Variants in SPEF2 observed in about 807,000 individuals in gnomAD.
SPEF2 encodes the protein sperm flagellar and cilia associated 2, also known as sperm flagella and cilia-associated protein 2.
A neutral mutation model predicts 224.6 loss-of-function variants in SPEF2; 187 were observed. The observed-to-expected ratio is 0.83, with a 90% confidence interval of 0.74 to 0.94. SPEF2 has a LOEUF of 0.94. Ranked by LOEUF, SPEF2 falls within the 40% of genes least tolerant of loss-of-function variation. SPEF2 has a pLI of 0.00. For missense variants in SPEF2, 2,170 were observed against 2,135.6 expected (o/e 1.02, Z -0.32); for synonymous variants, 715 against 707.3 (o/e 1.01, Z -0.17).
Position 35,728,571 on chromosome 5 carries a change from T to C in SPEF2, c.3063+748T>C, listed in dbSNP as rs6878407. Among the ~76,000 whole-genome samples, 1,129 of 152,300 alleles carry C rather than the reference T, an allele frequency of 7.4e-3. 10 individuals carry two copies. Among genetic ancestry groups the C allele is most frequent in the African/African-American group, 0.025 (1,056 of 41,562 alleles). ...GTGCCAGGCATTTGAGACCCAATTATGAAATGCAACAATTGTGGTGTTGCT... is the reference window on the plus strand; with the variant it reads ...GTGCCAGGCATTTGAGACCCAATTACGAAATGCAACAATTGTGGTGTTGCT... On this transcript the variant is annotated intron_variant, in intron 21 of 36. Coordinates refer to ENST00000356031, the MANE Select transcript of SPEF2 (RefSeq NM_024867.4).
At chr5:35,793,397 G>A in intron 32 of SPEF2, 56 bp downstream of exon 32, 1 of 1,542,734 alleles carries the variant, frequency 6.5e-7, no homozygotes, top group Non-Finnish European at 8.8e-7. Flanking sequence ...GACCTAAGAA[G>A]TGAATTACTC....
intron 7 of SPEF2, among the ~76,000 whole-genome samples, chr5:35,657,382 C>T (rs923679143): frequency 1.3e-5 from 2 of 151,786 alleles, no homozygotes; most frequent in Admixed American, 1.3e-4. Flanking sequence ...ATCAATTTGA[C>T]TTTTTAGGGG....
At chr5:35,671,058 G>T in intron 10 of SPEF2, 1 of 985,304 alleles carries the variant, frequency 1.0e-6, no homozygotes, top group African/African-American at 1.7e-5. Flanking sequence ...TGGATCAACA[G>T]CAATGGAATG....
At chr5:35,772,754 T>C (rs1187325699) in intron 27 of SPEF2, among the ~76,000 whole-genome samples, 1 of 152,198 alleles carries the variant, frequency 6.6e-6, no homozygotes, top group Non-Finnish European at 1.5e-5. Flanking sequence ...GAATCACTGT[T>C]GGGGTCTGAT....
At chr5:35,717,133 A>C (rs1251557716) in intron 20 of SPEF2, among the ~76,000 whole-genome samples, 4 of 152,240 alleles carry the variant, frequency 2.6e-5, no homozygotes, top group African/African-American at 9.6e-5. Flanking sequence ...AGTTTTCAAT[A>C]ATCAACTAAA....
intron 20 of SPEF2, 58 bp downstream of exon 20, chr5:35,712,944 A>C: frequency 3.2e-5 from 46 of 1,451,342 alleles, no homozygotes; most frequent in Non-Finnish European, 4.1e-5. Context: ...TAACTATCTC[A>C]GTGAAAATAG....
At chr5:35,646,489 G>A in intron 4 of SPEF2, 178 bp from the exon 5 acceptor site, 1 of 486,928 alleles carries the variant, frequency 2.1e-6, no homozygotes. Context: ...GCTTTTCACA[G>A]TAAGTCATAT....
intron 16 of SPEF2, among the ~76,000 whole-genome samples, chr5:35,702,641 A>G (rs1738884099): frequency 6.6e-6 from 1 of 152,142 alleles, no homozygotes; most frequent in Non-Finnish European, 1.5e-5. Context: ...GCAGATGCAT[A>G]TTAGTGTATG....
chr5:35,644,500 A>C lies in SPEF2; in HGVS notation c.560A>C (p.Glu187Ala). 6.2e-7 allele frequency: 1 copy of C among 1,603,536 alleles called. No individual in the cohort carries two copies. Among genetic ancestry groups the C allele is most frequent in the Non-Finnish European group, 8.5e-7 (1 of 1,177,036 alleles). Residue 187 changes from glutamate (E) to alanine (A), a missense_variant, in exon 4 of 37, where the codon GAG (glutamate) becomes GCG (alanine). By Grantham distance (107) the Glu-to-Ala change is moderately radical. Coordinates refer to ENST00000356031, the MANE Select transcript of SPEF2 (RefSeq NM_024867.4). ...KLERFQKLKE[E>A]QRCFDIEKQY... ...GAAAGATTTCAAAAACTCAAGGAAG[A>C]GCAAAGATGTTTTGATATTGAAAAG...
intron 18 of SPEF2, among the ~76,000 whole-genome samples, chr5:35,707,717 C>G (rs1163999203): frequency 1.3e-5 from 2 of 152,156 alleles, no homozygotes; most frequent in East Asian, 3.9e-4. Flanking sequence ...TAGAAAGACT[C>G]CAGTCAGGCA....
In SPEF2 at chr5:35,776,408, A is replaced by G. The variant is rs769545048; in HGVS notation, c.4217+13A>G. The G allele has an allele frequency of 5.0e-6, 8 of 1,590,826 alleles. No homozygotes were observed. Among genetic ancestry groups the G allele is most frequent in the Middle Eastern group, 1.7e-4 (1 of 5,718 alleles). ...ATGAAATGGCCAGGTAAAGTACTAC[A>G]TGACTTTCTGAAAATATGCTTTGTG... On this transcript the variant is annotated intron_variant, in intron 29 of 36. Transcript: ENST00000356031.
rs998304607 is a variant in SPEF2, at chr5:35,638,924, C to T, written c.162-2507C>T. Among the ~76,000 whole-genome samples, 4 of 152,152 alleles carry T rather than the reference C, an allele frequency of 2.6e-5. No individual in the cohort carries two copies. In the South Asian group the frequency reaches 6.2e-4, roughly 24 times the overall value. ...AGTTAAAGGACCATCCTGACCAGAT[C>T]GCAGATGAGTGTTTCAGGTGTACCA... On this transcript the variant is annotated intron_variant, in intron 2 of 36. Coordinates refer to ENST00000356031, the MANE Select transcript of SPEF2 (RefSeq NM_024867.4).
intron 15 of SPEF2, chr5:35,699,181 T>G (rs1000120502): frequency 1.3e-5 from 2 of 152,142 alleles, no homozygotes; most frequent in Non-Finnish European, 2.9e-5. Context: ...GTTACACTAT[T>G]GGAAGGATCA....
intron 20 of SPEF2, among the ~76,000 whole-genome samples, chr5:35,725,424 AAAC>A (rs560382919): frequency 2.6e-4 from 40 of 152,096 alleles, no homozygotes; most frequent in Middle Eastern, 3.4e-3. Flanking sequence ...TCTTAAAAGA[AAAC>A]AACAACAACA....
At chr5:35,647,262 A>C (rs1179863198) in intron 5 of SPEF2, among the ~76,000 whole-genome samples, 1 of 151,272 alleles carries the variant, frequency 6.6e-6, no homozygotes, top group Non-Finnish European at 1.5e-5. Context: ...AGTAAGGAGA[A>C]GGGGGAGGGG....
rs766250986 is a variant in SPEF2 at position 35,806,752 on chromosome 5, G to C, written c.5056G>C (p.Glu1686Gln). Residue 1686 changes from glutamate (E) to glutamine (Q), a missense_variant, in exon 35 of 37, where the codon GAG (glutamate) becomes CAG (glutamine). Transcript: ENST00000356031. Reference protein sequence around the residue: ...AGPAEEFPEPEENAAREERKL... With the variant: ...AGPAEEFPEPQENAAREERKL... ...TCCAGCTGAGGAATTTCCTGAACCT[G>C]AGGAAAATGCTGCAAGAGAAGAAAG... The C allele has an allele frequency of 5.0e-6, 8 of 1,613,878 alleles. No individual in the cohort carries two copies. The Admixed American group carries it at 1.0e-4, about 20-fold the overall frequency.
intron 8 of SPEF2, among the ~76,000 whole-genome samples, 168 bp downstream of exon 8, chr5:35,659,375 G>T (rs1749396619): frequency 6.6e-6 from 1 of 152,100 alleles, no homozygotes; most frequent in Non-Finnish European, 1.5e-5. Flanking sequence ...CATCAACAGG[G>T]CATGTAGCTG....
intron 10 of SPEF2, among the ~76,000 whole-genome samples, chr5:35,671,917 C>T (rs1027594967): frequency 4.0e-5 from 6 of 151,724 alleles, no homozygotes; most frequent in African/African-American, 7.3e-5. Flanking sequence ...AAGCTCCCTT[C>T]GACACCATAA....
Position 35,759,568 on chromosome 5 carries a change from G to T in SPEF2, c.3469G>T (p.Ala1157Ser). The change falls in exon 25 of 37, where the codon GCA becomes TCA. Residue 1157 changes from alanine to serine, a missense_variant and splice_region_variant. Physicochemically the swap from Ala to Ser is moderately conservative, Grantham distance 99 (BLOSUM62 1). Coordinates refer to ENST00000356031, the MANE Select transcript of SPEF2 (RefSeq NM_024867.4). ...TMNHFFSLMQ[A>S]ELNRFQDTKR... is the part of the protein sequence containing the mutation. Reference sequence around the variant, plus strand: ...TTAACATTCACATTTGCTATTAAAGGCAGAGCTGAACCGTTTCCAAGATAC... The same window carrying T: ...TTAACATTCACATTTGCTATTAAAGTCAGAGCTGAACCGTTTCCAAGATAC... 6.4e-7 allele frequency: 1 copy of T among 1,573,580 alleles called. No individual in the cohort carries two copies. The highest frequency in any genetic ancestry group is 1.2e-5 in the South Asian group (1 of 84,842).
Sources: allele counts gnomAD v4.1 joint callset (sites outside exome capture counted in the v4.1 genomes callset), GRCh38; gene constraint gnomAD v4.1.1; transcripts MANE v1.5; gene names NCBI Gene and HGNC (gene_info 2026-07-23, HGNC 2026-07-21).